MUC12: variants seen among roughly 807,000 people sequenced by gnomAD.
The protein encoded by MUC12 is mucin-12.
Under a neutral mutation model 230.8 loss-of-function variants are expected in MUC12, and 172 were observed. The observed-to-expected ratio is 0.75, with a 90% confidence interval of 0.66 to 0.85. The LOEUF (loss-of-function observed/expected upper bound fraction) is 0.85, where lower values mean the gene tolerates loss of function less well. MUC12 is among the 40% of genes least tolerant of loss of function. MUC12 has a pLI of 0.00. For missense variants in MUC12, 3,506 were observed against 5,920.6 expected, an observed-to-expected ratio of 0.59 and a Z score of 13.38; for synonymous variants, 1,259 against 2,401.9, an observed-to-expected ratio of 0.52 and a Z score of 13.91.
rs1413689282 is a variant in MUC12 at position 101,006,533 on chromosome 7, G to T, written c.15019G>T (p.Gly5007Cys). Residue 5007 changes from glycine to cysteine, a missense_variant, in exon 3 of 12, where the codon GGT (glycine) becomes TGT (cysteine). By Grantham distance (159) the Gly-to-Cys change is radical. Coordinates refer to ENST00000536621, the MANE Select transcript of MUC12 (RefSeq NM_001164462.2). The stretch of plus-strand genomic sequence containing the variant: ...ATGCGTCTGTCCCCAAGGCTACGTT[G>T]GTTACCAGTGCTTGTCCCCTCTGGA... ...KQCVCPQGYV[G>C]YQCLSPLESF... is the part of the protein sequence containing the mutation. 3 of 1,537,178 alleles carry T rather than the reference G, an allele frequency of 2.0e-6. No homozygotes were observed. Among genetic ancestry groups the T allele is most frequent in the Non-Finnish European group, 1.7e-6 (2 of 1,146,882 alleles).
At chr7:101,016,599 A>G (rs1369764354) in intron 10 of MUC12, among the ~76,000 whole-genome samples, 1 of 151,182 alleles carries the variant, frequency 6.6e-6, no homozygotes, top group Non-Finnish European at 1.5e-5. Flanking sequence ...ACAGGCGTGA[A>G]CCACCATGCC....
Position 101,003,080 on chromosome 7 carries a change from A to C in MUC12, c.12517A>C (p.Thr4173Pro). 1 of 1,159,100 alleles carries C rather than the reference A, an allele frequency of 8.6e-7. No individual in the cohort carries two copies. The highest frequency in any genetic ancestry group is 1.4e-5 in the South Asian group (1 of 72,046). The allele number at this position is 1,159,100 out of a possible 1,614,324, so 71.8% of individuals were successfully genotyped here. A position where few individuals can be genotyped will look rare whatever the true frequency, so the allele number is the denominator to read the frequency against. The change falls in exon 2 of 12, where the codon ACA (threonine) becomes CCA (proline). Residue 4173 changes from threonine to proline, a missense_variant. Physicochemically the swap from Thr to Pro is conservative, Grantham distance 38. Transcript: ENST00000536621. ...SPISSGSTET[T>P]ALPGSTTTAG... The stretch of plus-strand genomic sequence containing the variant: ...CATCAGTTCAGGCTCAACGGAAACA[A>C]CAGCGTTACCTGGCAGTACCACAAC...
chr7:100,981,174 T>G (rs1793098995), intron 1 of MUC12, among the ~76,000 whole-genome samples: 1 of 152,220 alleles, frequency 6.6e-6, no homozygotes, highest in South Asian at 2.1e-4. Context: ...GCTATTTGAG[T>G]TTCTTTGGAG....
intron 3 of MUC12, among the ~76,000 whole-genome samples, chr7:101,007,190 C>G (rs1183601548): frequency 1.3e-5 from 2 of 152,188 alleles, no homozygotes; most frequent in African/African-American, 4.8e-5. Flanking sequence ...AACTACTGAT[C>G]TTAGGTGATC....
intron 3 of MUC12, 93 bp downstream of exon 3, chr7:101,006,665 C>T (rs1335479006): frequency 7.1e-6 from 6 of 844,640 alleles, no homozygotes; most frequent in African/African-American, 3.3e-5. Context: ...CACTGCCTCA[C>T]TTGCAGGTGG....
At position 101,013,920 on chromosome 7, in the gene MUC12, A is replaced by G; in HGVS notation, c.15646A>G (p.Asn5216Asp). The G allele has an allele frequency of 6.5e-7, 1 of 1,533,802 alleles. No homozygotes were observed. The highest frequency in any genetic ancestry group is 8.7e-7 in the Non-Finnish European group (1 of 1,145,158). The change falls in exon 9 of 12, where the codon AAT (asparagine) becomes GAT (aspartate). Residue 5216 changes from asparagine to aspartate, a missense_variant. Physicochemically the swap from Asn to Asp is conservative, Grantham distance 23. Transcript: ENST00000536621. Reference protein sequence around the residue: ...QRSGPRCLCPNTNTHWYWGET... With the variant: ...QRSGPRCLCPDTNTHWYWGET... Reference sequence around the variant, plus strand: ...GCTTGTCTGTGTCCCCAGGTGCCCAAATACGAACACACACTGGTACTGGGG... The same window carrying G: ...GCTTGTCTGTGTCCCCAGGTGCCCAGATACGAACACACACTGGTACTGGGG...
At position 100,992,340 on chromosome 7, in the gene MUC12, C is replaced by A. The variant is rs1240196454; in HGVS notation, c.1777C>A (p.Pro593Thr). The A allele has an allele frequency of 6.5e-7, 1 of 1,536,836 alleles. No homozygotes were observed. The highest frequency in any genetic ancestry group is 8.7e-7 in the Non-Finnish European group (1 of 1,146,122). The change falls in exon 2 of 12, where the codon CCT becomes ACT. Residue 593 changes from proline to threonine, a missense_variant. Pro to Thr is a conservative substitution (Grantham distance 38, BLOSUM62 -1). Transcript: ENST00000536621. ...RPGSTETTLL[P>T]DNTTASGLLE... ...AGGCTCCACTGAAACAACACTCTTA[C>A]CTGACAACACCACAGCCTCAGGACT...
intron 1 of MUC12, among the ~76,000 whole-genome samples, chr7:100,988,631 G>C (rs1793231377): frequency 6.6e-6 from 1 of 152,212 alleles, no homozygotes; most frequent in African/African-American, 2.4e-5. Flanking sequence ...CATGGAACGG[G>C]TGACTGCCTT....
At chr7:101,016,535 G>A (rs1043406312) in intron 10 of MUC12, among the ~76,000 whole-genome samples, 3 of 152,168 alleles carry the variant, frequency 2.0e-5, no homozygotes, top group Non-Finnish European at 4.4e-5. Context: ...GGCTGGTCTC[G>A]AACTCCAGAC....
intron 1 of MUC12, among the ~76,000 whole-genome samples, 172 bp downstream of exon 1, chr7:100,969,861 GA>G (rs1244821768): frequency 1.3e-5 from 2 of 152,304 alleles, no homozygotes; most frequent in Non-Finnish European, 2.9e-5. Flanking sequence ...GGGTGCTGAA[GA>G]GGTCACTGTG....
Position 101,004,424 on chromosome 7 carries a change from T to G in MUC12, c.13861T>G (p.Ser4621Ala), listed in dbSNP as rs769550455. The change falls in exon 2 of 12, where the codon TCC (serine) becomes GCC (alanine). Residue 4621 changes from serine to alanine, a missense_variant. Physicochemically the swap from Ser to Ala is moderately conservative, Grantham distance 99. Coordinates refer to ENST00000536621, the MANE Select transcript of MUC12 (RefSeq NM_001164462.2). ...TCAAACAATGCACTTCCCTGAAAGC[T>G]CCACAGCTTCAGGTCGTAGTGAAGA... is the stretch of plus-strand genomic sequence containing the variant. ...STQTMHFPES[S>A]TASGRSEESR... 2.8e-5 allele frequency: 42 copies of G among 1,513,568 alleles called. No homozygotes were observed. The highest frequency in any genetic ancestry group is 2.0e-4 in the Middle Eastern group (1 of 4,994). 93.8% of individuals were successfully genotyped at this position (1,513,568 alleles called of 1,614,324 possible).
chr7:100,984,123 A>G (rs1237210338), intron 1 of MUC12, among the ~76,000 whole-genome samples: 1 of 152,146 alleles, frequency 6.6e-6, no homozygotes, highest in Non-Finnish European at 1.5e-5. Flanking sequence ...GTCCCAAACA[A>G]AGAATTGGAT....
Position 101,006,451 on chromosome 7 carries a change from T to C in MUC12, c.14957-20T>C. The C allele has an allele frequency of 1.3e-6, 2 of 1,523,880 alleles. No individual in the cohort carries two copies. The highest frequency in any genetic ancestry group is 1.8e-6 in the Non-Finnish European group (2 of 1,134,772). The allele number at this position is 1,523,880 out of a possible 1,614,324, so 94.4% of individuals were successfully genotyped here. On this transcript the variant is annotated intron_variant, in intron 2 of 11. Transcript: ENST00000536621. ...CTTTGGGCTCCCACGGTGACTGCTGTGGATTCTATCTCTCCACAGGGTTGT... is the reference window on the plus strand; with the variant it reads ...CTTTGGGCTCCCACGGTGACTGCTGCGGATTCTATCTCTCCACAGGGTTGT...
In MUC12 at chr7:101,013,012, A is replaced by C. The variant is rs1318066895; in HGVS notation, c.15508A>C (p.Thr5170Pro). The C allele has an allele frequency of 6.5e-7, 1 of 1,537,276 alleles. No individual in the cohort carries two copies. Among genetic ancestry groups the C allele is most frequent in the Non-Finnish European group, 8.7e-7 (1 of 1,146,934 alleles). The part of the protein sequence containing the change: ...QCTQKAAEGY[T>P]QFYYVDVLDG... ...CACCCAGAAGGCTGCCGAAGGATAT[A>C]CCCAGTTCTACTATGTGGATGTCTT... Residue 5170 changes from threonine (T) to proline (P), a missense_variant, in exon 8 of 12, where the codon ACC (threonine) becomes CCC (proline). By Grantham distance (38) the Thr-to-Pro change is conservative (BLOSUM62 -1). Transcript: ENST00000536621.
At position 100,995,730 on chromosome 7, in the gene MUC12, A is replaced by G; in HGVS notation, c.5167A>G (p.Thr1723Ala). ...AACCTCCCACGGCAGCCCGAGCTCAACTCCAACAACCCACTTTTCTGCCAG... is the reference window on the plus strand; with the variant it reads ...AACCTCCCACGGCAGCCCGAGCTCAGCTCCAACAACCCACTTTTCTGCCAG... ...STTSHGSPSS[T>A]PTTHFSASST... Residue 1723 changes from threonine to alanine, a missense_variant, in exon 2 of 12, where the codon ACT (threonine) becomes GCT (alanine). Transcript: ENST00000536621. The G allele has an allele frequency of 6.5e-7, 1 of 1,535,138 alleles. No individual in the cohort carries two copies. Among genetic ancestry groups the G allele is most frequent in the Non-Finnish European group, 8.7e-7 (1 of 1,146,310 alleles).
Position 101,004,288 on chromosome 7 carries a change from A to T in MUC12, c.13725A>T (p.Thr4575=). The T allele has an allele frequency of 1.1e-6, 1 of 923,636 alleles. No homozygotes were observed. Among genetic ancestry groups the T allele is most frequent in the Non-Finnish European group, 1.5e-6 (1 of 676,560 alleles). 57.2% of individuals were successfully genotyped at this position (923,636 alleles called of 1,614,324 possible). ...CCTTGGGCCGTAGTGAGGAATCGAC[A>T]ACAGTCCACAGCAGCCCAGTTGCAA... ...STTLGRSEES[T]TVHSSPVATA... Residue 4575 remains threonine, a synonymous_variant, in exon 2 of 12, where the codon ACA becomes ACT. Coordinates refer to ENST00000536621, the MANE Select transcript of MUC12 (RefSeq NM_001164462.2).
At chr7:100,982,441 T>G (rs1409510620) in intron 1 of MUC12, among the ~76,000 whole-genome samples, 11 of 97,238 alleles carry the variant, frequency 1.1e-4, no homozygotes, top group East Asian at 1.1e-3. Flanking sequence ...TTTTCTTTTC[T>G]TTTTTTTTTT....
chr7:100,991,572 C>T lies in MUC12; in HGVS notation c.1009C>T (p.Pro337Ser), dbSNP rs1250308595. The T allele has an allele frequency of 6.5e-6, 10 of 1,537,142 alleles. No individual in the cohort carries two copies. The highest frequency in any genetic ancestry group is 8.7e-6 in the Non-Finnish European group (10 of 1,146,506). Residue 337 changes from proline (P) to serine (S), a missense_variant, in exon 2 of 12, where the codon CCA (proline) becomes TCA (serine). Pro to Ser is a moderately conservative substitution (Grantham distance 74). Transcript: ENST00000536621. ...SEESTPVHSS[P>S]VATATTPPPA... is the part of the protein sequence containing the mutation. Reference sequence around the variant, plus strand: ...GGAATCGACACCAGTCCACAGCAGCCCAGTTGCAACTGCAACAACACCCCC... The same window carrying T: ...GGAATCGACACCAGTCCACAGCAGCTCAGTTGCAACTGCAACAACACCCCC...
intron 5 of MUC12, 106 bp from the exon 6 acceptor site, chr7:101,012,190 T>C: frequency 8.0e-7 from 1 of 1,245,654 alleles, no homozygotes; most frequent in Non-Finnish European, 1.1e-6. Context: ...TTCTCACCTC[T>C]GGGTCACATG....
Sources: gnomAD v4.1 joint callset for allele counts (sites outside exome capture counted in the v4.1 genomes callset) on GRCh38, gnomAD v4.1.1 for gene constraint, MANE v1.5 for transcripts, NCBI Gene and HGNC (gene_info 2026-07-23, HGNC 2026-07-21) for gene names.